The following C5 variants were observed in gnomAD, a reference collection of about 807,000 sequenced individuals.
C5 encodes the protein C3 and PZP-like alpha-2-macroglobulin domain-containing protein 4.
A neutral mutation model predicts 218.8 loss-of-function variants in C5; 140 were observed. The observed-to-expected ratio is 0.64, with a 90% CI of 0.56 to 0.74. The LOEUF is 0.74. Ranked by LOEUF, C5 falls within the 30% of genes least tolerant of loss-of-function variation. The probability of loss-of-function intolerance (pLI) is 0.00; values close to 1 mark genes in which losing one functional copy is unlikely to be tolerated. For missense variants in C5, 1,700 were observed against 1,969.6 expected, an observed-to-expected ratio of 0.86 and a Z score of 2.59; for synonymous variants, 614 against 682.3, an observed-to-expected ratio of 0.90 and a Z score of 1.56.
chr9:120,958,587 C>A (rs2046803567), intron 38 of C5, among the ~76,000 whole-genome samples: 1 of 149,622 alleles, frequency 6.7e-6, no homozygotes, highest in Non-Finnish European at 1.5e-5. Context: ...TTTCCAAAAT[C>A]AATATAAATT....
At chr9:120,952,975 G>A (rs1378028917) in intron 40 of C5, 107 bp from the exon 41 acceptor site, 20 of 1,156,952 alleles carry the variant, frequency 1.7e-5, no homozygotes, top group Non-Finnish European at 2.5e-5. Flanking sequence ...CCATGCTGGA[G>A]TGCAGTGGCG....
chr9:120,961,540 G>T lies in C5; in HGVS notation c.4530C>A (p.Ser1510Arg). 6.2e-7 allele frequency: 1 copy of T among 1,612,376 alleles called. No individual in the cohort carries two copies. The highest frequency in any genetic ancestry group is 8.5e-7 in the Non-Finnish European group (1 of 1,178,418). The change falls in exon 37 of 41, where the codon AGC becomes AGA. Residue 1510 changes from serine to arginine, a missense_variant. By Grantham distance (110) the Ser-to-Arg change is moderately radical. Transcript: ENST00000223642. ...CTTTCTGAATTTTGATATTGGAAGT[G>T]CTATAAAACATGGTACACTGTTTAT... ...RPDKQCTMFY[S>R]TSNIKIQKVC...
chr9:120,997,427 T>A, intron 21 of C5, 120 bp downstream of exon 21: 1 of 785,692 alleles, frequency 1.3e-6, no homozygotes, highest in Non-Finnish European at 2.1e-6. Context: ...ATAACCTCCA[T>A]CCAGTTTCCT....
rs537101618 is a variant in C5 at position 120,976,888 on chromosome 9, G to A, written c.3676C>T (p.Arg1226Cys). 5.0e-6 allele frequency: 8 copies of A among 1,613,720 alleles called. No homozygotes were observed. Among genetic ancestry groups the A allele is most frequent in the South Asian group, 4.4e-5 (4 of 91,074 alleles). The change falls in exon 29 of 41, where the codon CGT becomes TGT. Residue 1226 changes from arginine (R) to cysteine (C), a missense_variant. Arg to Cys is a radical substitution (Grantham distance 180). Coordinates refer to ENST00000223642, the MANE Select transcript of C5 (RefSeq NM_001735.3). ...TGCTGAAGATTGTCTTTCCAAAAAC[G>A]ATAAATGGGTGGATTACCTGAACAT... ...ALVKGNPPIY[R>C]FWKDNLQHKD...
At chr9:120,989,202 T>C in intron 24 of C5, 81 bp from the exon 25 acceptor site, 1 of 1,119,404 alleles carries the variant, frequency 8.9e-7, no homozygotes. Context: ...GCCCTGAGAA[T>C]GGTAAGCTTC....
chr9:121,066,944 T>C, the C5 span, among the ~76,000 whole-genome samples: 2 of 151,522 alleles, frequency 1.3e-5, no homozygotes, highest in East Asian at 1.9e-4. Flanking sequence ...CCTTTATTAA[T>C]AAACAGTCTC....
chr9:121,052,101 T>G (rs2047674794), upstream of C5, among the ~76,000 whole-genome samples: 1 of 152,120 alleles, frequency 6.6e-6, no homozygotes, highest in Admixed American at 6.6e-5. Flanking sequence ...GTTTAACAAT[T>G]TATAGATTCT....
At chr9:121,031,238 G>A (rs1418828379) in intron 6 of C5, among the ~76,000 whole-genome samples, 1 of 134,806 alleles carries the variant, frequency 7.4e-6, no homozygotes, top group Non-Finnish European at 1.6e-5. Flanking sequence ...TATAAGAAAT[G>A]AAAGATTAAA....
At chr9:121,000,031 C>A in intron 20 of C5, 1 of 325,474 alleles carries the variant, frequency 3.1e-6, no homozygotes, top group Non-Finnish European at 5.9e-6. Flanking sequence ...TGCACTCCAG[C>A]CTGGGCGACA....
rs2047316888 is a variant in C5 at position 121,017,416 on chromosome 9, T to G, written c.1812A>C (p.Ala604=). ...TGMDSWVALA[A]VDSAVYGVQR... ...GGACTCCATACACAGCACTGTCCAC[T>G]GCTGCTAATGCCACCCAGGAATCCA... The change falls in exon 14 of 41, where the codon GCA becomes GCC. Residue 604 remains alanine (A), a synonymous_variant. Transcript: ENST00000223642. 6.2e-7 allele frequency: 1 copy of G among 1,614,048 alleles called. No individual in the cohort carries two copies. Among genetic ancestry groups the G allele is most frequent in the Non-Finnish European group, 8.5e-7 (1 of 1,179,996 alleles).
intron 30 of C5, among the ~76,000 whole-genome samples, chr9:120,973,627 T>C (rs924425381): frequency 6.6e-6 from 1 of 152,212 alleles, no homozygotes; most frequent in African/African-American, 2.4e-5. Context: ...TATGTCTATG[T>C]TTATATCCAT....
At chr9:121,060,194 G>T in the C5 span, among the ~76,000 whole-genome samples, 1 of 152,198 alleles carries the variant, frequency 6.6e-6, no homozygotes, top group Non-Finnish European at 1.5e-5. Context: ...AGTTCCTGAA[G>T]AGCAGCAGCT....
intron 38 of C5, among the ~76,000 whole-genome samples, chr9:120,958,295 G>T (rs1264069119): frequency 6.6e-6 from 1 of 152,198 alleles, no homozygotes; most frequent in Non-Finnish European, 1.5e-5. Flanking sequence ...TACAGAGAGA[G>T]AACTACTTAA....
intron 30 of C5, among the ~76,000 whole-genome samples, chr9:120,974,567 A>G (rs762028993): frequency 6.6e-6 from 1 of 152,216 alleles, no homozygotes; most frequent in African/African-American, 2.4e-5. Context: ...CTATCTGCTT[A>G]AATGACAATC....
Position 120,991,133 on chromosome 9 carries a change from G to C in C5, c.2941+58C>G, listed in dbSNP as rs1225129400. The C allele has an allele frequency of 4.7e-5, 47 of 999,324 alleles. No individual in the cohort carries two copies. The East Asian group carries it at 1.1e-3, about 23-fold the overall frequency. 61.9% of individuals were successfully genotyped at this position (999,324 alleles called of 1,614,324 possible). On this transcript the variant is annotated intron_variant, in intron 23 of 40. Coordinates refer to ENST00000223642, the MANE Select transcript of C5 (RefSeq NM_001735.3). ...AAACAGAATAATCATGAGGATATTT[G>C]ATTTTTGTTTGAAGCACCAAGTGAA... is the stretch of plus-strand genomic sequence containing the variant.
In C5 at chr9:121,017,813, C is replaced by A. The variant is rs749086868; in HGVS notation, c.1546G>T (p.Glu516Ter). 6.2e-7 allele frequency: 1 copy of A among 1,613,692 alleles called. No individual in the cohort carries two copies. Among genetic ancestry groups the A allele is most frequent in the South Asian group, 1.1e-5 (1 of 91,052 alleles). The stretch of plus-strand genomic sequence containing the variant: ...TGATAAGATGCATCTGAAAATTTCT[C>A]CCTCGTGCCAAAGTGGATAATTTTG... The part of the protein sequence containing the change: ...KGKIIHFGTR[E>*]KFSDASYQSI... Residue 516 changes from glutamate (E) to a stop codon, truncating the protein, a stop_gained, in exon 13 of 41, where the codon GAG becomes TAG. Transcript: ENST00000223642. LOFTEE classifies it high-confidence loss of function.
At chr9:121,074,124 G>C in the C5 span, among the ~76,000 whole-genome samples, 1 of 152,142 alleles carries the variant, frequency 6.6e-6, no homozygotes, top group Non-Finnish European at 1.5e-5. Context: ...TTGCACTGGG[G>C]ATTTCTGGAG....
chr9:120,957,214 A>G (rs1358916270), intron 39 of C5, 71 bp downstream of exon 39: 3 of 1,036,738 alleles, frequency 2.9e-6, no homozygotes, highest in Non-Finnish European at 4.6e-6. Context: ...TGTGTTTAAT[A>G]TAATGCCTGG....
chr9:120,993,515 C>T (rs1048192662), intron 22 of C5, among the ~76,000 whole-genome samples: 3 of 152,184 alleles, frequency 2.0e-5, no homozygotes, highest in Non-Finnish European at 4.4e-5. Flanking sequence ...CTCCGCCTCC[C>T]GGGTTCACGC....
Sources: allele counts gnomAD v4.1 joint callset (sites outside exome capture counted in the v4.1 genomes callset), GRCh38; gene constraint gnomAD v4.1.1; transcripts MANE v1.5; gene names NCBI Gene and HGNC (gene_info 2026-07-23, HGNC 2026-07-21).